The following NOL4 variants were observed in gnomAD, a reference collection of about 807,000 sequenced individuals.
The protein encoded by NOL4 is cancer/testis antigen 125.
Under a neutral mutation model 75.9 loss-of-function variants are expected in NOL4, and 17 were observed. That is an observed-to-expected ratio of 0.22 (90% CI 0.15 to 0.34). The LOEUF is 0.34. Among genes scored for constraint, NOL4 ranks in the 10% least tolerant of loss-of-function variants. NOL4 has a pLI of 1.00. For missense variants in NOL4, 614 were observed against 793.5 expected (o/e 0.77, Z 2.72); for synonymous variants, 292 against 289.9 (o/e 1.01, Z -0.07).
At chr18:33,977,508 G>T (rs528476182) in intron 6 of NOL4, among the ~76,000 whole-genome samples, 1 of 152,218 alleles carries the variant, frequency 6.6e-6, no homozygotes, top group Non-Finnish European at 1.5e-5. Context: ...CACCATGATT[G>T]TGAGGCCTTC....
chr18:34,071,024 T>G (rs1257080174), intron 5 of NOL4, among the ~76,000 whole-genome samples: 1 of 152,174 alleles, frequency 6.6e-6, no homozygotes, highest in Admixed American at 6.5e-5. Context: ...TAAGTTCTGG[T>G]GTTCTATAGC....
intron 8 of NOL4, among the ~76,000 whole-genome samples, chr18:33,952,698 G>A (rs2069324674): frequency 6.6e-6 from 1 of 152,244 alleles, no homozygotes; most frequent in Non-Finnish European, 1.5e-5. Flanking sequence ...GCCAAGGCGG[G>A]TGGATCACCT....
intron 5 of NOL4, among the ~76,000 whole-genome samples, chr18:34,053,971 T>C (rs147052886): frequency 3.3e-4 from 50 of 152,102 alleles, no homozygotes; most frequent in African/African-American, 1.2e-3. Flanking sequence ...TTTTATTTAC[T>C]CATGTTTATG....
chr18:34,110,199 AG>A, intron 2 of NOL4, among the ~76,000 whole-genome samples: 1 of 149,986 alleles, frequency 6.7e-6, no homozygotes, highest in Admixed American at 6.7e-5. Flanking sequence ...AGTTCATGTC[AG>A]CATTACCTTG....
At chr18:33,947,239 G>C (rs749095641) in intron 8 of NOL4, among the ~76,000 whole-genome samples, 3 of 151,770 alleles carry the variant, frequency 2.0e-5, no homozygotes, top group Non-Finnish European at 4.4e-5. Flanking sequence ...CGTGCTCTGA[G>C]AATCATCTCC....
intron 9 of NOL4, among the ~76,000 whole-genome samples, chr18:33,896,682 G>C (rs1202070187): frequency 6.6e-6 from 1 of 152,086 alleles, no homozygotes; most frequent in East Asian, 1.9e-4. Context: ...AGACAACTTA[G>C]GCAATATAAT....
At chr18:34,157,677 G>C (rs28603277) in intron 1 of NOL4, among the ~76,000 whole-genome samples, 2,911 of 151,964 alleles carry the variant, frequency 0.019, 94 homozygotes, top group African/African-American at 0.067. Flanking sequence ...AAAGTAAAAA[G>C]ACTGAGAAGG....
At chr18:34,078,137 A>G (rs1195275122) in intron 5 of NOL4, among the ~76,000 whole-genome samples, 1 of 152,118 alleles carries the variant, frequency 6.6e-6, no homozygotes, top group African/African-American at 2.4e-5. Context: ...CTTGATGTCA[A>G]GATGTTTTAA....
chr18:34,089,278 A>T (rs969005250), intron 5 of NOL4, among the ~76,000 whole-genome samples: 15 of 152,088 alleles, frequency 9.9e-5, no homozygotes, highest in South Asian at 2.1e-4. Context: ...TTAAAAAAAA[A>T]TTTTAATTTA....
chr18:34,194,408 T>TAGGGAAGGAGGGAGGG (rs2035152315), intron 1 of NOL4, among the ~76,000 whole-genome samples: 1 of 112,636 alleles, frequency 8.9e-6, no homozygotes, highest in Admixed American at 9.3e-5. Flanking sequence ...AGGAAAAAGG[T>TAGGGAAGGAGGGAGGG]AGGGAAGGAG....
chr18:34,030,214 A>C (rs1273015180), intron 5 of NOL4, among the ~76,000 whole-genome samples: 1 of 152,232 alleles, frequency 6.6e-6, no homozygotes, highest in South Asian at 2.1e-4. Context: ...AAAGCCATAA[A>C]TGTTAATCTC....
intron 1 of NOL4, among the ~76,000 whole-genome samples, chr18:34,216,664 TGAA>T (rs2036912803): frequency 5.3e-5 from 8 of 149,874 alleles, no homozygotes; most frequent in Non-Finnish European, 1.2e-4. Flanking sequence ...ATAAGTGAAA[TGAA>T]ATGTAAACCA....
intron 5 of NOL4, among the ~76,000 whole-genome samples, chr18:34,043,781 T>C (rs2076242343): frequency 6.6e-6 from 1 of 152,046 alleles, no homozygotes; most frequent in Admixed American, 6.6e-5. Flanking sequence ...GGCAGTTGCC[T>C]CTTCATCATA....
At chr18:33,920,640 T>C (rs1159995360) in intron 9 of NOL4, among the ~76,000 whole-genome samples, 3 of 152,150 alleles carry the variant, frequency 2.0e-5, no homozygotes, top group South Asian at 2.1e-4. Context: ...AGGTATGTGA[T>C]TTATGGGTCC....
At chr18:34,047,662 C>T (rs780186874) in intron 5 of NOL4, among the ~76,000 whole-genome samples, 8 of 151,998 alleles carry the variant, frequency 5.3e-5, no homozygotes, top group Non-Finnish European at 7.4e-5. Context: ...ACACTAATAT[C>T]AAATATTTAA....
chr18:34,012,097 T>C (rs1416320915), intron 6 of NOL4, among the ~76,000 whole-genome samples: 1 of 151,954 alleles, frequency 6.6e-6, no homozygotes, highest in Non-Finnish European at 1.5e-5. Context: ...CTGTCCTTCA[T>C]CTTCCTGCAA....
At chr18:33,877,777 G>A (rs1207551093) in intron 10 of NOL4, among the ~76,000 whole-genome samples, 4 of 151,624 alleles carry the variant, frequency 2.6e-5, no homozygotes, top group Non-Finnish European at 5.9e-5. Flanking sequence ...TGTGGCTTTT[G>A]GGCACCACTG....
intron 6 of NOL4, among the ~76,000 whole-genome samples, chr18:33,975,243 C>T (rs1203645292): frequency 2.6e-5 from 4 of 152,068 alleles, no homozygotes; most frequent in African/African-American, 2.4e-5. Flanking sequence ...GGAGATCTGT[C>T]GCACAACATT....
chr18:33,886,023 A>G (rs1568007810), intron 9 of NOL4, among the ~76,000 whole-genome samples: 6 of 152,190 alleles, frequency 3.9e-5, no homozygotes, highest in Admixed American at 2.0e-4. Flanking sequence ...TTGCAACAAC[A>G]TGGATGAAAC....
Sources: allele counts gnomAD v4.1 joint callset (sites outside exome capture counted in the v4.1 genomes callset), GRCh38; gene constraint gnomAD v4.1.1; transcripts MANE v1.5; gene names NCBI Gene and HGNC (gene_info 2026-07-23, HGNC 2026-07-21).